Variants in CDS1 observed in about 807,000 individuals in gnomAD.
The protein encoded by CDS1 is phosphatidate cytidylyltransferase 1.
In CDS1, 41 loss-of-function variants were observed where a neutral mutation model predicts 62.1. That is an observed-to-expected ratio of 0.66 (90% CI 0.51 to 0.86). The LOEUF is 0.86. Among genes scored for constraint, CDS1 ranks in the 40% least tolerant of loss-of-function variants. The pLI is 0.00. For missense variants in CDS1, 470 were observed against 550.1 expected (o/e 0.85, Z 1.46); for synonymous variants, 185 against 192.6 (o/e 0.96, Z 0.32).
intron 11 of CDS1, among the ~76,000 whole-genome samples, chr4:84,644,969 G>A (rs938363357): frequency 1.9e-4 from 29 of 152,164 alleles, no homozygotes; most frequent in African/African-American, 6.8e-4. Context: ...AAAAAAGTAA[G>A]TGCTAGATTT....
chr4:84,626,993 A>G (rs529376389), intron 5 of CDS1, among the ~76,000 whole-genome samples: 4 of 152,290 alleles, frequency 2.6e-5, no homozygotes, highest in African/African-American at 9.6e-5. Context: ...TTGAAACAGG[A>G]CTATGGAAAT....
intron 8 of CDS1, among the ~76,000 whole-genome samples, chr4:84,636,144 C>T (rs146856345): frequency 5.3e-4 from 81 of 152,230 alleles, no homozygotes; most frequent in Middle Eastern, 6.8e-3. Flanking sequence ...CCTTGACTCT[C>T]CTCTCCCTTC....
chr4:84,636,764 ATC>A (rs1724225663), intron 8 of CDS1, among the ~76,000 whole-genome samples: 1 of 152,100 alleles, frequency 6.6e-6, no homozygotes, highest in African/African-American at 2.4e-5. Flanking sequence ...ACCTCGAATG[ATC>A]TACCTACCTC....
At chr4:84,589,814 GT>G (rs1722530715) in intron 1 of CDS1, among the ~76,000 whole-genome samples, 1 of 151,440 alleles carries the variant, frequency 6.6e-6, no homozygotes, top group South Asian at 2.1e-4. Flanking sequence ...GGTCTTTTTT[GT>G]TTTGTTTTGT....
chr4:84,596,917 C>T (rs752458765), intron 1 of CDS1, among the ~76,000 whole-genome samples: 18 of 152,110 alleles, frequency 1.2e-4, no homozygotes, highest in Non-Finnish European at 7.4e-5. Context: ...CTGTGGGGAG[C>T]GCAGAAGCTT....
chr4:84,593,331 T>C (rs1722648045), intron 1 of CDS1, among the ~76,000 whole-genome samples: 1 of 152,144 alleles, frequency 6.6e-6, no homozygotes, highest in Admixed American at 6.5e-5. Context: ...TCAGAGGTAT[T>C]CCTTCTTTGT....
At position 84,583,181 on chromosome 4, in the gene CDS1, C is replaced by G. The variant is rs1027682712; in HGVS notation, c.-221C>G. The G allele has an allele frequency of 1.1e-4, 50 of 455,324 alleles. No individual in the cohort carries two copies. The highest frequency in any genetic ancestry group is 1.8e-4 in the Admixed American group (4 of 22,204). The allele number at this position is 455,324 out of a possible 1,614,324, so 28.2% of individuals were successfully genotyped here. ...GCCTGCCCGGGACCTCCGCCGGAGC[C>G]GCGCTCGCTGCAGGCGGCCTCGAGC... On this transcript the variant is annotated 5_prime_UTR_variant, in exon 1 of 13. Transcript: ENST00000295887.
intron 4 of CDS1, among the ~76,000 whole-genome samples, chr4:84,619,013 CATT>C (rs1284581629): frequency 6.6e-6 from 1 of 150,970 alleles, no homozygotes; most frequent in Non-Finnish European, 1.5e-5. Context: ...AACATACACA[CATT>C]ATACATACAC....
At chr4:84,644,866 A>G (rs1724506946) in intron 11 of CDS1, among the ~76,000 whole-genome samples, 1 of 152,242 alleles carries the variant, frequency 6.6e-6, no homozygotes, top group South Asian at 2.1e-4. Context: ...TAGCTCCCCA[A>G]ACAGCTTGTG....
At chr4:84,605,516 A>G (rs1319749570) in intron 2 of CDS1, among the ~76,000 whole-genome samples, 8 of 152,128 alleles carry the variant, frequency 5.3e-5, no homozygotes, top group Admixed American at 5.2e-4. Context: ...ATATTTTTTA[A>G]CCAATAGAAC....
chr4:84,631,862 T>G lies in CDS1; in HGVS notation c.624T>G (p.Arg208=), dbSNP rs1204413343. 3.7e-6 allele frequency: 6 copies of G among 1,610,320 alleles called. No homozygotes were observed. The highest frequency in any genetic ancestry group is 4.2e-6 in the Non-Finnish European group (5 of 1,176,862). The change falls in exon 6 of 13, where the codon CGT becomes CGG. Residue 208 remains arginine, a synonymous_variant. Coordinates refer to ENST00000295887, the MANE Select transcript of CDS1 (RefSeq NM_001263.4). ...TGAGTTTGGTGAAGAAACATTATCG[T>G]CTGCAGTTTTATATGGTGTGTATTA... is the stretch of plus-strand genomic sequence containing the variant. ...FVLSLVKKHY[R]LQFYMFAWTH...
At chr4:84,620,152 A>G (rs1282061405) in intron 5 of CDS1, among the ~76,000 whole-genome samples, 5 of 151,190 alleles carry the variant, frequency 3.3e-5, no homozygotes, top group East Asian at 1.9e-4. Context: ...ACTTTCACAT[A>G]TATATTGCTT....
At chr4:84,614,294 T>G (rs1723421452) in intron 3 of CDS1, among the ~76,000 whole-genome samples, 1 of 152,174 alleles carries the variant, frequency 6.6e-6, no homozygotes, top group Admixed American at 6.5e-5. Flanking sequence ...TGTTGTTCTG[T>G]GGTCTTTATA....
rs555748982 is a variant in CDS1 at position 84,613,380 on chromosome 4, G to A, written c.342+3855G>A. On this transcript the variant is annotated intron_variant, in intron 3 of 12. Transcript: ENST00000295887. ...TCTCAGCACTTTGGGAGGGTAAGGCGGGCAGATTGCTTGAGGTCAGAAGTT... is the reference window on the plus strand; with the variant it reads ...TCTCAGCACTTTGGGAGGGTAAGGCAGGCAGATTGCTTGAGGTCAGAAGTT... 1.1e-4 allele frequency among the ~76,000 whole-genome samples: 16 copies of A among 152,160 alleles called. No individual in the cohort carries two copies. The East Asian group carries it at 2.7e-3, about 26-fold the overall frequency.
At chr4:84,615,940 C>T (rs1233640219) in intron 3 of CDS1, among the ~76,000 whole-genome samples, 1 of 152,120 alleles carries the variant, frequency 6.6e-6, no homozygotes, top group East Asian at 1.9e-4. Flanking sequence ...CCTAGAAGTT[C>T]CATATTAATT....
chr4:84,629,409 A>G (rs1401912080), intron 5 of CDS1, among the ~76,000 whole-genome samples: 1 of 151,926 alleles, frequency 6.6e-6, no homozygotes, highest in African/African-American at 2.4e-5. Context: ...GAACATGTAT[A>G]GGCTTGTTTC....
At position 84,583,372 on chromosome 4, in the gene CDS1, G is replaced by C; in HGVS notation, c.-30G>C. On this transcript the variant is annotated 5_prime_UTR_variant, in exon 1 of 13. Coordinates refer to ENST00000295887, the MANE Select transcript of CDS1 (RefSeq NM_001263.4). ...CAGCTCAGGTTTCGGGGTGCTTGAG[G>C]AGGCCGCCACGGCAGCGCGGGAGCG... The C allele has an allele frequency of 6.6e-7, 1 of 1,518,476 alleles. No individual in the cohort carries two copies. The highest frequency in any genetic ancestry group is 9.1e-7 in the Non-Finnish European group (1 of 1,099,444). 94.1% of individuals were successfully genotyped at this position (1,518,476 alleles called of 1,614,324 possible). A position where few individuals can be genotyped will look rare whatever the true frequency, so the allele number is the denominator to read the frequency against.
intron 11 of CDS1, 152 bp from the exon 12 acceptor site, chr4:84,645,070 G>T (rs1361025149): frequency 4.9e-6 from 3 of 614,758 alleles, no homozygotes; most frequent in East Asian, 5.6e-5. Flanking sequence ...TAATCTGCTG[G>T]ATGTGTTCTA....
At chr4:84,624,837 C>CT (rs1484738473) in intron 5 of CDS1, among the ~76,000 whole-genome samples, 1 of 151,274 alleles carries the variant, frequency 6.6e-6, no homozygotes, top group African/African-American at 2.4e-5. Flanking sequence ...TTTTTGGACT[C>CT]TACTTCTATA....
Sources: allele counts gnomAD v4.1 joint callset (sites outside exome capture counted in the v4.1 genomes callset), GRCh38; gene constraint gnomAD v4.1.1; transcripts MANE v1.5; gene names NCBI Gene and HGNC (gene_info 2026-07-23, HGNC 2026-07-21).